Variants in SEMA5A observed in about 807,000 individuals in gnomAD.
SEMA5A encodes the protein semaphorin-5A.
In SEMA5A, 55 loss-of-function variants were observed where a neutral mutation model predicts 135.5. That is an observed-to-expected ratio of 0.41 (90% CI 0.33 to 0.51). SEMA5A has a LOEUF of 0.51. SEMA5A is among the 20% of genes least tolerant of loss of function. The pLI is 0.37. For missense variants in SEMA5A, 1,290 were observed against 1,419.9 expected, an observed-to-expected ratio of 0.91 and a Z score of 1.47; for synonymous variants, 580 against 546.5, an observed-to-expected ratio of 1.06 and a Z score of -0.85.
intron 10 of SEMA5A, among the ~76,000 whole-genome samples, chr5:9,193,743 C>CA (rs1484433571): frequency 1.3e-5 from 2 of 152,116 alleles, no homozygotes; most frequent in African/African-American, 2.4e-5. Context: ...ACTAAAAATA[C>CA]AAAAAAATGC....
At chr5:9,315,017 A>G (rs1752328897) in intron 5 of SEMA5A, among the ~76,000 whole-genome samples, 1 of 152,188 alleles carries the variant, frequency 6.6e-6, no homozygotes, top group South Asian at 2.1e-4. Context: ...GAAGGCAGCC[A>G]AGACCAAGGA....
At chr5:9,343,105 C>A (rs1056119763) in intron 3 of SEMA5A, among the ~76,000 whole-genome samples, 5 of 152,132 alleles carry the variant, frequency 3.3e-5, no homozygotes, top group African/African-American at 1.2e-4. Context: ...AAAGCTGGGT[C>A]TCTCAAAACC....
intron 3 of SEMA5A, among the ~76,000 whole-genome samples, chr5:9,374,622 C>CGTGTGTGTGTGTGT (rs3086524): frequency 6.8e-6 from 1 of 147,138 alleles, no homozygotes; most frequent in Non-Finnish European, 1.5e-5. Flanking sequence ...CACAAGACAT[C>CGTGTGTGTGTGTGT]GTGTGTGTGT....
At chr5:9,063,996 A>G (rs890873451) in intron 17 of SEMA5A, among the ~76,000 whole-genome samples, 2 of 152,262 alleles carry the variant, frequency 1.3e-5, no homozygotes, top group African/African-American at 2.4e-5. Flanking sequence ...GCTTTAACAA[A>G]TAACTCTAAA....
intron 3 of SEMA5A, among the ~76,000 whole-genome samples, chr5:9,371,774 C>A (rs975362031): frequency 2.6e-5 from 4 of 152,128 alleles, no homozygotes; most frequent in Admixed American, 2.6e-4. Flanking sequence ...CAGCACGTTT[C>A]CTCCCCAAGT....
chr5:9,161,409 C>G (rs771792585), intron 11 of SEMA5A, among the ~76,000 whole-genome samples: 1 of 149,854 alleles, frequency 6.7e-6, no homozygotes, highest in East Asian at 2.1e-4. Flanking sequence ...CTAGATGCCA[C>G]ATTTAAAATG....
At chr5:9,305,545 G>A (rs1052321534) in intron 5 of SEMA5A, among the ~76,000 whole-genome samples, 3 of 151,788 alleles carry the variant, frequency 2.0e-5, no homozygotes, top group Non-Finnish European at 4.4e-5. Context: ...TTGTATTAGA[G>A]TGACCACCGA....
Position 9,197,276 on chromosome 5 carries a change from G to T in SEMA5A, c.960C>A (p.Cys320Ter), listed in dbSNP as rs377749349. The T allele has an allele frequency of 2.5e-6, 4 of 1,613,916 alleles. No individual in the cohort carries two copies. The South Asian group carries it at 4.4e-5, about 18-fold the overall frequency. ...NVNSIAASAV[C>*]VFNLSAIAQA... ...GCGCGATGGCGCTCAGGTTGAAGAC[G>T]CACACAGCTGAGGCCGCAATGCTGT... Residue 320 changes from cysteine (C) to a stop codon, truncating the protein, a stop_gained, in exon 10 of 23, where the codon TGC becomes TGA. Coordinates refer to ENST00000382496, the MANE Select transcript of SEMA5A (RefSeq NM_003966.3). LOFTEE classifies it high-confidence loss of function.
At chr5:9,327,488 A>G (rs1418541540) in intron 4 of SEMA5A, among the ~76,000 whole-genome samples, 2 of 152,194 alleles carry the variant, frequency 1.3e-5, no homozygotes, top group Non-Finnish European at 2.9e-5. Flanking sequence ...AGAACACACT[A>G]AAACTGAGAT....
chr5:9,086,364 T>A (rs1738689192), intron 16 of SEMA5A, among the ~76,000 whole-genome samples: 1 of 152,162 alleles, frequency 6.6e-6, no homozygotes, highest in African/African-American at 2.4e-5. Context: ...AGGGACCTGG[T>A]GTGGGTCTGG....
intron 5 of SEMA5A, among the ~76,000 whole-genome samples, chr5:9,275,199 A>G (rs1750192563): frequency 6.6e-6 from 1 of 152,130 alleles, no homozygotes; most frequent in South Asian, 2.1e-4. Flanking sequence ...AAATATTATA[A>G]TCACCTCTAC....
At chr5:9,510,565 G>A (rs924569863) in intron 1 of SEMA5A, among the ~76,000 whole-genome samples, 6 of 151,924 alleles carry the variant, frequency 3.9e-5, no homozygotes, top group Admixed American at 6.6e-5. Flanking sequence ...TTTTATAAAC[G>A]GGTTATAGCA....
intron 11 of SEMA5A, among the ~76,000 whole-genome samples, chr5:9,177,115 C>T (rs917128931): frequency 2.0e-4 from 31 of 152,170 alleles, no homozygotes; most frequent in African/African-American, 7.2e-4. Context: ...ATCCCATAAA[C>T]AGACTCAGAG....
intron 3 of SEMA5A, 132 bp downstream of exon 3, chr5:9,379,691 T>C: frequency 8.8e-7 from 1 of 1,135,530 alleles, no homozygotes; most frequent in Non-Finnish European, 1.2e-6. Flanking sequence ...GTTTTACCTT[T>C]ATTTTAAACT....
At chr5:9,197,353 T>G in intron 9 of SEMA5A, 50 bp from the exon 10 acceptor site, 1 of 1,594,636 alleles carries the variant, frequency 6.3e-7, no homozygotes, top group Non-Finnish European at 8.5e-7. Context: ...CGGCAGCACC[T>G]GCTGACCTCC....
At chr5:9,053,412 G>T (rs1736704246) in intron 19 of SEMA5A, among the ~76,000 whole-genome samples, 2 of 152,190 alleles carry the variant, frequency 1.3e-5, no homozygotes, top group African/African-American at 4.8e-5. Context: ...GTTGTTTGCT[G>T]TGCTCCTCCA....
intron 1 of SEMA5A, among the ~76,000 whole-genome samples, chr5:9,473,314 A>G (rs2387707): frequency 0.29 from 42,243 of 144,056 alleles, 6,540 homozygotes; most frequent in East Asian, 0.55. Flanking sequence ...CTCTACTTGT[A>G]ACAATTTTAC....
At chr5:9,315,145 T>TAAAATTTGCA (rs1752335875) in intron 5 of SEMA5A, among the ~76,000 whole-genome samples, 2 of 152,194 alleles carry the variant, frequency 1.3e-5, no homozygotes, top group Admixed American at 1.3e-4. Flanking sequence ...ATCATGTCAG[T>TAAAATTTGCA]AAAATTTGCA....
At chr5:9,435,046 A>T (rs10068683) in intron 2 of SEMA5A, among the ~76,000 whole-genome samples, 25,406 of 152,128 alleles carry the variant, frequency 0.17, 2,254 homozygotes, top group African/African-American at 0.22. Flanking sequence ...AGAAAAATTT[A>T]AAAAATCATA....
Sources: allele counts gnomAD v4.1 joint callset (sites outside exome capture counted in the v4.1 genomes callset), GRCh38; gene constraint gnomAD v4.1.1; transcripts MANE v1.5; gene names NCBI Gene and HGNC (gene_info 2026-07-23, HGNC 2026-07-21).